DNAJC13: variants seen among roughly 807,000 people sequenced by gnomAD.
DNAJC13 encodes DnaJ heat shock protein family (Hsp40) member C13, also known as dnaJ homolog subfamily C member 13.
Under a neutral mutation model 290.5 loss-of-function variants are expected in DNAJC13, and 75 were observed. The observed-to-expected ratio is 0.26, with a 90% CI of 0.21 to 0.31. DNAJC13 has a LOEUF of 0.31. DNAJC13 is among the 10% of genes least tolerant of loss of function. The pLI is 1.00. For synonymous variants in DNAJC13, 862 were observed against 892.0 expected (o/e 0.97, Z 0.60); for missense variants, 2,260 against 2,674.5 (o/e 0.85, Z 3.42).
chr3:132,536,473 A>C (rs1936596133), intron 55 of DNAJC13, among the ~76,000 whole-genome samples: 2 of 152,196 alleles, frequency 1.3e-5, no homozygotes, highest in South Asian at 4.1e-4. Flanking sequence ...CAGTTTGAGA[A>C]CTGCGTCATT....
chr3:132,466,437 G>A (rs771971854), intron 19 of DNAJC13, 43 bp downstream of exon 19: 5 of 1,494,794 alleles, frequency 3.3e-6, no homozygotes, highest in Non-Finnish European at 4.5e-6. Context: ...AGGAGTAAGG[G>A]TACTGTTATA....
intron 54 of DNAJC13, among the ~76,000 whole-genome samples, chr3:132,530,628 C>T (rs1936388281): frequency 6.6e-6 from 1 of 152,226 alleles, no homozygotes; most frequent in Non-Finnish European, 1.5e-5. Flanking sequence ...TGTACCTTCT[C>T]CCCAAACTCC....
intron 48 of DNAJC13, among the ~76,000 whole-genome samples, chr3:132,521,593 C>T (rs926550857): frequency 2.0e-5 from 3 of 152,168 alleles, no homozygotes; most frequent in African/African-American, 4.8e-5. Context: ...TGTAATTTCT[C>T]TGGTCTTTGT....
chr3:132,473,047 G>A (rs1934337348), intron 20 of DNAJC13, 98 bp from the exon 21 acceptor site: 6 of 785,470 alleles, frequency 7.6e-6, no homozygotes, highest in Non-Finnish European at 8.4e-6. Context: ...AAAATTTGAT[G>A]AAAGAAATGT....
At position 132,500,869 on chromosome 3, in the gene DNAJC13, C is replaced by G; in HGVS notation, c.4492C>G (p.Pro1498Ala). 5.6e-6 allele frequency: 9 copies of G among 1,613,934 alleles called. No homozygotes were observed. The highest frequency in any genetic ancestry group is 5.9e-6 in the Non-Finnish European group (7 of 1,179,950). ...EECREKITEM[P>A]SIIKDLCRVL... is the part of the protein sequence containing the mutation. ...ATGCCGAGAGAAGATCACGGAAATGCCTAGCATCATCAAGGATCTCTGTCG... is the reference window on the plus strand; with the variant it reads ...ATGCCGAGAGAAGATCACGGAAATGGCTAGCATCATCAAGGATCTCTGTCG... Residue 1498 changes from proline (P) to alanine (A), a missense_variant, in exon 39 of 56, where the codon CCT becomes GCT. Physicochemically the swap from Pro to Ala is conservative, Grantham distance 27 (BLOSUM62 -1). Transcript: ENST00000260818.
At chr3:132,533,379 A>G (rs1936486611) in intron 55 of DNAJC13, among the ~76,000 whole-genome samples, 1 of 122,960 alleles carries the variant, frequency 8.1e-6, no homozygotes, top group Non-Finnish European at 1.6e-5. Flanking sequence ...TCTGTTGCCC[A>G]GGCTGGAGTA....
intron 40 of DNAJC13, 123 bp from the exon 41 acceptor site, chr3:132,503,091 C>A: frequency 2.0e-6 from 2 of 997,238 alleles, no homozygotes; most frequent in Non-Finnish European, 2.9e-6. Flanking sequence ...TACTCTTGTA[C>A]CCTTTTGTTG....
rs34510010 is a variant in DNAJC13, at chr3:132,498,954, G to A, written c.4157-172G>A. ...GATGGTCTCAATCTCCTGACCTCGT[G>A]ATCCACCCACCTTGGCCTCCCAAAG... On this transcript the variant is annotated intron_variant, in intron 36 of 55. Coordinates refer to ENST00000260818, the MANE Select transcript of DNAJC13 (RefSeq NM_015268.4). Among the ~76,000 whole-genome samples, 1,087 of 152,188 alleles carry A rather than the reference G, an allele frequency of 7.1e-3. 12 individuals carry two copies. The highest frequency in any genetic ancestry group is 9.7e-3 in the Non-Finnish European group (661 of 68,012).
chr3:132,453,647 C>G lies in DNAJC13; in HGVS notation c.793C>G (p.Arg265Gly). ...ACTTACAGAAACATGTTTAGTAGAA[C>G]GTGATCCGGCAACCTATAATATTGC... Reference protein sequence around the residue: ...LALTETCLVERDPATYNIATL... With the variant: ...LALTETCLVEGDPATYNIATL... The change falls in exon 8 of 56, where the codon CGT becomes GGT. Residue 265 changes from arginine to glycine, a missense_variant. Around this residue, in one of 3 missense-constraint regions of DNAJC13, gnomAD observed 762 missense variants for 964.1 expected, o/e 0.79. Transcript: ENST00000260818. 1.2e-6 allele frequency: 2 copies of G among 1,613,424 alleles called. No individual in the cohort carries two copies. Among genetic ancestry groups the G allele is most frequent in the Non-Finnish European group, 8.5e-7 (1 of 1,179,824 alleles).
Position 132,456,283 on chromosome 3 carries a change from T to C in DNAJC13, c.981T>C (p.Asn327=). The change falls in exon 10 of 56, where the codon AAT becomes AAC. Residue 327 remains asparagine, a synonymous_variant. Coordinates refer to ENST00000260818, the MANE Select transcript of DNAJC13 (RefSeq NM_015268.4). ...SLLDGVRASG[N]RDVCVKMTPT... ...TGGATGGAGTAAGAGCCTCTGGTAA[T>C]AGAGATGTTTGTGTAAAAATGACAC... 3 of 1,613,894 alleles carry C rather than the reference T, an allele frequency of 1.9e-6. No individual in the cohort carries two copies. The highest frequency in any genetic ancestry group is 3.3e-4 in the Middle Eastern group (2 of 6,060).
Position 132,457,691 on chromosome 3 carries a change from G to C in DNAJC13, c.1449+323G>C, listed in dbSNP as rs553286985. 106 of 179,652 alleles carry C rather than the reference G, an allele frequency of 5.9e-4. No individual in the cohort carries two copies. The Admixed American group carries it at 5.9e-3, about 10-fold the overall frequency. The allele number at this position is 179,652 out of a possible 1,614,324, so 11.1% of individuals were successfully genotyped here. A position where few individuals can be genotyped will look rare whatever the true frequency, so the allele number is the denominator to read the frequency against. ...CACTTTATTTTTGTTTGGTGATGAG[G>C]GGAAGATGAAAGATTCTCACCCAGT... On this transcript the variant is annotated intron_variant, in intron 13 of 55. Transcript: ENST00000260818.
chr3:132,537,718 A>G (rs1408860382), intron 55 of DNAJC13, among the ~76,000 whole-genome samples: 2 of 152,214 alleles, frequency 1.3e-5, no homozygotes, highest in Non-Finnish European at 2.9e-5. Flanking sequence ...ACTTGTTATA[A>G]TAGCATTTCT....
intron 18 of DNAJC13, 114 bp downstream of exon 18, chr3:132,466,184 G>A: frequency 1.4e-6 from 2 of 1,380,264 alleles, no homozygotes; most frequent in South Asian, 1.3e-5. Context: ...ATTTATCATA[G>A]GAGTTACCGT....
rs774934666 is a variant in DNAJC13 at position 132,453,426 on chromosome 3, C to G, written c.666C>G (p.Arg222=). The G allele has an allele frequency of 1.9e-6, 3 of 1,613,862 alleles. No individual in the cohort carries two copies. Among genetic ancestry groups the G allele is most frequent in the Non-Finnish European group, 2.5e-6 (3 of 1,179,932 alleles). ...AATTCGAGCAATATTTGAATCTTCG[C>G]TTTGGAAAATACAGCACTGATGAAT... ...PLEFEQYLNL[R]FGKYSTDESI... is the part of the protein sequence containing the mutation. The change falls in exon 7 of 56, where the codon CGC becomes CGG. Residue 222 remains arginine, a synonymous_variant. Transcript: ENST00000260818.
At position 132,495,237 on chromosome 3, in the gene DNAJC13, A is replaced by G. The variant is rs1417970436; in HGVS notation, c.4020+71A>G. ...TATTATTATGTAGTTGGAGAAAAGTATATTACCTTCTGTGCCAGTATCTGC... is the reference window on the plus strand; with the variant it reads ...TATTATTATGTAGTTGGAGAAAAGTGTATTACCTTCTGTGCCAGTATCTGC... On this transcript the variant is annotated intron_variant, in intron 35 of 55. Coordinates refer to ENST00000260818, the MANE Select transcript of DNAJC13 (RefSeq NM_015268.4). The G allele has an allele frequency of 1.3e-5, 16 of 1,221,886 alleles. No homozygotes were observed. In the Admixed American group the frequency reaches 2.8e-4, roughly 22 times the overall value. The allele number at this position is 1,221,886 out of a possible 1,614,324, so 75.7% of individuals were successfully genotyped here. A position where few individuals can be genotyped will look rare whatever the true frequency, so the allele number is the denominator to read the frequency against.
At chr3:132,455,824 G>T (rs908852774) in intron 9 of DNAJC13, among the ~76,000 whole-genome samples, 1 of 152,148 alleles carries the variant, frequency 6.6e-6, no homozygotes, top group African/African-American at 2.4e-5. Flanking sequence ...GGGCTGGGGA[G>T]TGTTCTTTTG....
At chr3:132,514,906 G>C (rs994914364) in intron 46 of DNAJC13, 1 of 124,030 alleles carries the variant, frequency 8.1e-6, no homozygotes, top group Admixed American at 1.4e-4. Context: ...AAATAACCTG[G>C]GATTTTCAGT....
chr3:132,462,333 T>G, intron 15 of DNAJC13, 134 bp from the exon 16 acceptor site: 7 of 745,284 alleles, frequency 9.4e-6, no homozygotes, highest in Non-Finnish European at 1.3e-5. Context: ...AAACTGACTT[T>G]GAGATGTATC....
At chr3:132,513,630 T>C (rs1221979510) in intron 45 of DNAJC13, among the ~76,000 whole-genome samples, 1 of 152,140 alleles carries the variant, frequency 6.6e-6, no homozygotes, top group Non-Finnish European at 1.5e-5. Flanking sequence ...AGGAGTTGCC[T>C]AAAAAGGCCA....
Sources: allele counts gnomAD v4.1 joint callset (sites outside exome capture counted in the v4.1 genomes callset), GRCh38; gene constraint gnomAD v4.1.1; regional missense constraint gnomAD v4.1.1; transcripts MANE v1.5; gene names NCBI Gene and HGNC (gene_info 2026-07-23, HGNC 2026-07-21).